KDM4C: variants seen among roughly 807,000 people sequenced by gnomAD.
KDM4C encodes lysine demethylase 4C, also known as lysine-specific demethylase 4C.
In KDM4C, 81 loss-of-function variants were observed where a neutral mutation model predicts 129.3. The ratio of observed to expected loss-of-function variants is 0.63; its 90% confidence interval spans 0.52 to 0.75. The LOEUF is 0.75. Among genes scored for constraint, KDM4C ranks in the 30% least tolerant of loss-of-function variants. The pLI is 0.00. For synonymous variants in KDM4C, 573 were observed against 456.1 expected, an observed-to-expected ratio of 1.26 and a Z score of -3.26; for missense variants, 1,457 against 1,304.0, an observed-to-expected ratio of 1.12 and a Z score of -1.81.
chr9:6,839,274 G>T (rs921579408), intron 4 of KDM4C, among the ~76,000 whole-genome samples: 2 of 152,128 alleles, frequency 1.3e-5, no homozygotes, highest in African/African-American at 4.8e-5. Context: ...CGGTTACCCA[G>T]GCTAGAGTGC....
chr9:6,779,691 C>G (rs1177367524), intron 1 of KDM4C, among the ~76,000 whole-genome samples: 3 of 152,178 alleles, frequency 2.0e-5, no homozygotes, highest in Non-Finnish European at 4.4e-5. Flanking sequence ...TAACACCAGT[C>G]AATATCAAAT....
chr9:6,946,631 C>A (rs146342186), intron 8 of KDM4C, among the ~76,000 whole-genome samples: 1 of 151,928 alleles, frequency 6.6e-6, no homozygotes, highest in Non-Finnish European at 1.5e-5. Context: ...TGTTTATGTG[C>A]GTGTGTTTAT....
intron 5 of KDM4C, among the ~76,000 whole-genome samples, chr9:6,863,118 C>T (rs1841265713): frequency 1.3e-5 from 2 of 152,072 alleles, no homozygotes; most frequent in South Asian, 4.1e-4. Flanking sequence ...ACAACGTATA[C>T]AGAAAAGAAT....
At chr9:6,744,762 C>G (rs1817821797) in intron 1 of KDM4C, among the ~76,000 whole-genome samples, 6 of 151,860 alleles carry the variant, frequency 4.0e-5, no homozygotes, top group Admixed American at 3.9e-4. Context: ...CACACAGACT[C>G]CAGGAGTGGT....
At chr9:7,171,985 A>C (rs1845011566) in intron 21 of KDM4C, among the ~76,000 whole-genome samples, 1 of 152,170 alleles carries the variant, frequency 6.6e-6, no homozygotes, top group Non-Finnish European at 1.5e-5. Flanking sequence ...TATTGAATCA[A>C]AGACATACAC....
intron 4 of KDM4C, chr9:6,835,194 C>T: frequency 1.1e-6 from 1 of 925,580 alleles, no homozygotes; most frequent in Non-Finnish European, 1.8e-6. Context: ...GCCAGGTCAT[C>T]ACCATCGGCA....
intron 5 of KDM4C, among the ~76,000 whole-genome samples, chr9:6,858,856 T>C (rs564911053): frequency 6.6e-6 from 1 of 152,250 alleles, no homozygotes; most frequent in East Asian, 1.9e-4. Context: ...ATCTCTTTTT[T>C]TTTTTGTTTT....
intron 1 of KDM4C, among the ~76,000 whole-genome samples, chr9:6,770,767 C>CTTTTTTTT (rs753670348): frequency 3.7e-5 from 3 of 81,762 alleles, no homozygotes; most frequent in East Asian, 3.3e-4. Flanking sequence ...GATTTTGATC[C>CTTTTTTTT]TTTTTTTTTT....
chr9:7,065,534 A>G (rs1832304331), intron 17 of KDM4C, among the ~76,000 whole-genome samples: 1 of 152,208 alleles, frequency 6.6e-6, no homozygotes, highest in Non-Finnish European at 1.5e-5. Flanking sequence ...AATAGCAGAC[A>G]TATTTCCGCA....
intron 13 of KDM4C, among the ~76,000 whole-genome samples, chr9:7,013,418 C>G (rs568370701): frequency 3.3e-5 from 5 of 152,250 alleles, no homozygotes; most frequent in South Asian, 2.1e-4. Context: ...TTTGTACACT[C>G]CTTCAAGTGT....
intron 5 of KDM4C, among the ~76,000 whole-genome samples, chr9:6,855,057 A>T (rs1210987697): frequency 1.3e-5 from 2 of 152,366 alleles, no homozygotes; most frequent in African/African-American, 4.8e-5. Context: ...ACAGTGCTCA[A>T]TAGATGTTAA....
intron 1 of KDM4C, among the ~76,000 whole-genome samples, chr9:6,781,545 C>G (rs529027288): frequency 6.6e-6 from 1 of 152,186 alleles, no homozygotes; most frequent in African/African-American, 2.4e-5. Context: ...TATTCTTGTA[C>G]TTAGAAACAC....
At chr9:6,741,779 GCTGATTTTGAACTC>G (rs1294738659) in intron 1 of KDM4C, among the ~76,000 whole-genome samples, 5 of 148,988 alleles carry the variant, frequency 3.4e-5, no homozygotes, top group African/African-American at 9.9e-5. Flanking sequence ...TGTTTCCCAG[GCTGATTTTGAACTC>G]CTGGTCTCAA....
chr9:6,859,645 G>A lies in KDM4C; in HGVS notation c.629+9945G>A, dbSNP rs540865780. Among the ~76,000 whole-genome samples, 81 of 151,208 alleles carry A rather than the reference G, an allele frequency of 5.4e-4. No homozygotes were observed. The South Asian group carries it at 0.015, about 27-fold the overall frequency. On this transcript the variant is annotated intron_variant, in intron 5 of 21. Coordinates refer to ENST00000381309, the MANE Select transcript of KDM4C (RefSeq NM_015061.6). ...TGGGAGGCCCAGGCGGGCAGATCGC[G>A]AGATCCGGAGATCGAAACCATCCTG... is the stretch of plus-strand genomic sequence containing the variant.
chr9:7,114,028 T>A (rs1164377938), intron 18 of KDM4C, among the ~76,000 whole-genome samples: 2 of 152,186 alleles, frequency 1.3e-5, no homozygotes, highest in African/African-American at 4.8e-5. Flanking sequence ...GGCCAAATGG[T>A]ACATCCCAGG....
intron 4 of KDM4C, among the ~76,000 whole-genome samples, chr9:6,823,639 T>C (rs187704221): frequency 3.3e-5 from 5 of 152,292 alleles, no homozygotes; most frequent in Admixed American, 3.3e-4. Flanking sequence ...TCTCCAAAGG[T>C]GTCCCCTACC....
chr9:7,134,099 C>A (rs2129678683), intron 19 of KDM4C, among the ~76,000 whole-genome samples: 1 of 152,316 alleles, frequency 6.6e-6, no homozygotes, highest in African/African-American at 2.4e-5. Flanking sequence ...AGTTCTGGTT[C>A]TTTTGGAATC....
chr9:7,003,730 G>A (rs74432355), intron 12 of KDM4C, among the ~76,000 whole-genome samples: 2,588 of 152,098 alleles, frequency 0.017, 63 homozygotes, highest in East Asian at 0.11. Context: ...CATACCTAAA[G>A]TCCTGTAATT....
chr9:6,893,191 G>A lies in KDM4C; in HGVS notation c.880G>A (p.Ala294Thr). The change falls in exon 8 of 22, where the codon GCT (alanine) becomes ACT (threonine). Residue 294 changes from alanine to threonine, a missense_variant. Coordinates refer to ENST00000381309, the MANE Select transcript of KDM4C (RefSeq NM_015061.6). ...GFNCAESTNF[A>T]TVRWIDYGKV... The stretch of plus-strand genomic sequence containing the variant: ...CAACTGTGCAGAATCTACAAATTTT[G>A]CTACTGTCAGATGGATTGACTATGG... 3 of 1,610,852 alleles carry A rather than the reference G, an allele frequency of 1.9e-6. No individual in the cohort carries two copies. Among genetic ancestry groups the A allele is most frequent in the Non-Finnish European group, 2.5e-6 (3 of 1,178,488 alleles).
Sources: allele counts gnomAD v4.1 joint callset (sites outside exome capture counted in the v4.1 genomes callset), GRCh38; gene constraint gnomAD v4.1.1; transcripts MANE v1.5; gene names NCBI Gene and HGNC (gene_info 2026-07-23, HGNC 2026-07-21).